SYN3: variants seen among roughly 807,000 people sequenced by gnomAD.
The protein encoded by SYN3 is synapsin-3.
A neutral mutation model predicts 65.8 loss-of-function variants in SYN3; 35 were observed. That is an observed-to-expected ratio of 0.53 (90% CI 0.41 to 0.70). SYN3 has a LOEUF of 0.70. Ranked by LOEUF, SYN3 falls within the 30% of genes least tolerant of loss-of-function variation. SYN3 has a pLI of 0.00. For synonymous variants in SYN3, 270 were observed against 292.9 expected, an observed-to-expected ratio of 0.92 and a Z score of 0.80; for missense variants, 680 against 749.0, an observed-to-expected ratio of 0.91 and a Z score of 1.08.
At chr22:32,577,900 C>T (rs2058875584) in intron 7 of SYN3, among the ~76,000 whole-genome samples, 1 of 152,232 alleles carries the variant, frequency 6.6e-6, no homozygotes, top group African/African-American at 2.4e-5. Context: ...TCACACTCTG[C>T]CTCTTACTTG....
chr22:32,516,343 T>TTTTATTTA (rs1555886860), intron 13 of SYN3, among the ~76,000 whole-genome samples: 2 of 140,372 alleles, frequency 1.4e-5, no homozygotes, highest in African/African-American at 5.6e-5. Flanking sequence ...AACATACATC[T>TTTTATTTA]TTGATTTATT....
chr22:32,742,435 C>T (rs1288989531), intron 6 of SYN3, among the ~76,000 whole-genome samples: 1 of 152,138 alleles, frequency 6.6e-6, no homozygotes, highest in Non-Finnish European at 1.5e-5. Context: ...TGGCTCAACA[C>T]AGAGCTTCAA....
At chr22:32,616,509 G>A (rs1283686590) in intron 6 of SYN3, among the ~76,000 whole-genome samples, 2 of 152,104 alleles carry the variant, frequency 1.3e-5, no homozygotes, top group South Asian at 2.1e-4. Flanking sequence ...GAATCCACAC[G>A]AGAGGCCTGT....
At chr22:32,991,563 G>A (rs2052719346) in intron 2 of SYN3, among the ~76,000 whole-genome samples, 1 of 151,998 alleles carries the variant, frequency 6.6e-6, no homozygotes. Flanking sequence ...CTCTGCAGCC[G>A]AAGCCAAGTG....
rs1195790618 is a variant in SYN3 at position 32,941,777 on chromosome 22, G to C, written c.370-10296C>G. On this transcript the variant is annotated intron_variant, in intron 3 of 13. Transcript: ENST00000358763. ...ATACTGTGCTTTTCCGAGGGTCTTA[G>C]CAAACAGTACACCAGGAGATTATAT... Among the ~76,000 whole-genome samples, 4 of 152,228 alleles carry C rather than the reference G, an allele frequency of 2.6e-5. No individual in the cohort carries two copies. In the East Asian group the frequency reaches 5.8e-4, roughly 22 times the overall value.
intron 7 of SYN3, among the ~76,000 whole-genome samples, chr22:32,577,265 T>G (rs2058865188): frequency 6.6e-6 from 1 of 152,200 alleles, no homozygotes; most frequent in Non-Finnish European, 1.5e-5. Context: ...TTTGCTCTGC[T>G]TTTTCTACCT....
chr22:32,850,658 G>T (rs1379392807), intron 6 of SYN3, among the ~76,000 whole-genome samples: 2 of 152,082 alleles, frequency 1.3e-5, no homozygotes, highest in Non-Finnish European at 1.5e-5. Flanking sequence ...TTCAATGTGG[G>T]GTGTGCTGAG....
intron 4 of SYN3, among the ~76,000 whole-genome samples, chr22:32,917,434 C>T (rs2050214086): frequency 6.6e-6 from 1 of 152,200 alleles, no homozygotes; most frequent in African/African-American, 2.4e-5. Context: ...CTGAGAAGTA[C>T]TGGGTACCCA....
At chr22:32,939,155 T>C (rs73405295) in intron 3 of SYN3, among the ~76,000 whole-genome samples, 3,352 of 152,230 alleles carry the variant, frequency 0.022, 125 homozygotes, top group African/African-American at 0.077. Flanking sequence ...TAAAAGATTA[T>C]TAACTGTTTA....
At chr22:32,671,528 TACAC>T (rs1372845179) in intron 6 of SYN3, among the ~76,000 whole-genome samples, 3 of 108,008 alleles carry the variant, frequency 2.8e-5, no homozygotes, top group East Asian at 3.3e-4. Flanking sequence ...CAGCTACACA[TACAC>T]ACGCTCTCAC....
rs142467124 is a variant in SYN3 at position 32,849,143 on chromosome 22, T to G, written c.711+15772A>C. Among the ~76,000 whole-genome samples the G allele has an allele frequency of 4.8e-3, 736 of 152,252 alleles. 12 individuals carry two copies. Among genetic ancestry groups the G allele is most frequent in the Admixed American group, 0.029 (450 of 15,292 alleles). ...AACAGGAGAAGTAGGTTTTGGATTA[T>G]GGTAAAGTCACAAAGTCAAGAAAAT... On this transcript the variant is annotated intron_variant, in intron 6 of 13. Coordinates refer to ENST00000358763, the MANE Select transcript of SYN3 (RefSeq NM_003490.4).
chr22:32,888,232 T>C (rs2049348144), intron 4 of SYN3, among the ~76,000 whole-genome samples: 2 of 152,190 alleles, frequency 1.3e-5, no homozygotes, highest in African/African-American at 2.4e-5. Context: ...CTAAATAAGA[T>C]ATAACTATTA....
chr22:32,827,346 T>G (rs2047442174), intron 6 of SYN3, among the ~76,000 whole-genome samples: 1 of 152,232 alleles, frequency 6.6e-6, no homozygotes, highest in Non-Finnish European at 1.5e-5. Flanking sequence ...GCTGCATAGC[T>G]CAGGCTGGGC....
chr22:32,611,375 C>G (rs1353710517), intron 6 of SYN3, among the ~76,000 whole-genome samples: 1 of 147,766 alleles, frequency 6.8e-6, no homozygotes, highest in Non-Finnish European at 1.5e-5. Flanking sequence ...CTCACTGCAA[C>G]CTCTGCCTCC....
At chr22:32,833,732 G>A (rs2047645663) in intron 6 of SYN3, 1 of 492,058 alleles carries the variant, frequency 2.0e-6, no homozygotes, top group Admixed American at 2.0e-5. Context: ...GATCTGGGGA[G>A]AGTCACTTCT....
intron 7 of SYN3, among the ~76,000 whole-genome samples, chr22:32,577,431 G>T (rs2058868196): frequency 6.6e-6 from 1 of 152,192 alleles, no homozygotes; most frequent in Non-Finnish European, 1.5e-5. Flanking sequence ...GCTAGAAAGG[G>T]ACCCCCTTGG....
Position 32,513,815 on chromosome 22 carries a change from CTG to C in SYN3, c.1618_1619del (p.Gln540ValfsTer4). ...ATGTGCTGAGGCTGTTAGTCAGGGA[CTG>C]AGATTTGCTGAAACAGAAAGGCAAG... ...APPHPHLNKS[Q>X]SLTNSLSTSD... On this transcript the variant is annotated frameshift_variant, in exon 14 of 14. Transcript: ENST00000358763. LOFTEE classifies it high-confidence loss of function. The C allele has an allele frequency of 6.2e-7, 1 of 1,614,070 alleles. No homozygotes were observed. The highest frequency in any genetic ancestry group is 8.5e-7 in the Non-Finnish European group (1 of 1,180,002).
At chr22:32,527,712 G>A (rs2058002839) in intron 12 of SYN3, 1 of 553,828 alleles carries the variant, frequency 1.8e-6, no homozygotes, top group African/African-American at 1.9e-5. Context: ...TGCATATTAG[G>A]TTCTTAATAA....
intron 6 of SYN3, chr22:32,857,865 A>G: frequency 1.7e-6 from 2 of 1,185,934 alleles, no homozygotes; most frequent in Non-Finnish European, 2.5e-6. Context: ...GTCCATTTTA[A>G]AAGGTGTTGG....
Sources: allele counts gnomAD v4.1 joint callset (sites outside exome capture counted in the v4.1 genomes callset), GRCh38; gene constraint gnomAD v4.1.1; transcripts MANE v1.5; gene names NCBI Gene and HGNC (gene_info 2026-07-23, HGNC 2026-07-21).